The following GSDMB variants were observed in gnomAD, a reference collection of about 807,000 sequenced individuals.
The protein encoded by GSDMB is gasdermin-B.
GSDMB carries 32 observed loss-of-function variants against 42.9 expected under a neutral mutation model. The observed-to-expected ratio is 0.75, with a 90% CI of 0.56 to 1.00. The LOEUF is 1.00. Ranked by LOEUF, GSDMB falls within the 50% of genes least tolerant of loss-of-function variation. The pLI, the probability that GSDMB is intolerant of heterozygous loss-of-function variation, is 0.00. For missense variants in GSDMB, 468 were observed against 498.5 expected (o/e 0.94, Z 0.58); for synonymous variants, 175 against 193.7 (o/e 0.90, Z 0.80).
chr17:39,906,372 G>T, intron 7 of GSDMB, 101 bp from the exon 8 acceptor site: 2 of 1,135,142 alleles, frequency 1.8e-6, no homozygotes, highest in Non-Finnish European at 2.5e-6. Flanking sequence ...CCACCTCTTT[G>T]TATCTTCCCT....
intron 2 of GSDMB, among the ~76,000 whole-genome samples, 174 bp downstream of exon 2, chr17:39,916,906 ACT>A (rs2063721166): frequency 6.6e-6 from 1 of 151,746 alleles, no homozygotes; most frequent in Non-Finnish European, 1.5e-5. Context: ...CACTTCTCCC[ACT>A]CTCCTCCCAC....
chr17:39,912,887 C>G (rs2063637835), intron 2 of GSDMB, among the ~76,000 whole-genome samples: 1 of 152,134 alleles, frequency 6.6e-6, no homozygotes, highest in Admixed American at 6.6e-5. Flanking sequence ...AGGCAGATCA[C>G]TTGAGGTCAG....
In GSDMB at chr17:39,916,065, G is replaced by A. The variant is rs190496865; in HGVS notation, c.235+1017C>T. On this transcript the variant is annotated intron_variant, in intron 2 of 10. Transcript: ENST00000418519. ...ACCCAAGTACCCCAGGAATAACTGAGATCAGAGGCAGGGGGTTGGAATAAT... is the reference window on the plus strand; with the variant it reads ...ACCCAAGTACCCCAGGAATAACTGAAATCAGAGGCAGGGGGTTGGAATAAT... Among the ~76,000 whole-genome samples, 142 of 152,214 alleles carry A rather than the reference G, an allele frequency of 9.3e-4. 1 individual carries two copies. The highest frequency in any genetic ancestry group is 1.2e-3 in the Non-Finnish European group (79 of 68,020).
In GSDMB at chr17:39,908,994, C is replaced by T. The variant is rs1232821776; in HGVS notation, c.625G>A (p.Val209Ile). ...TTGTTGGGGAAGACAAGCTGCTTTA[C>T]TCGATAGCTCAGGACCCGATTTGGG... ...IPPNRVLSYR[V>I]KQLVFPNKET... The change falls in exon 5 of 11, where the codon GTA (valine) becomes ATA (isoleucine). Residue 209 changes from valine to isoleucine, a missense_variant. Coordinates refer to ENST00000418519, the MANE Select transcript of GSDMB (RefSeq NM_001165958.2). 6.2e-7 allele frequency: 1 copy of T among 1,607,588 alleles called. No homozygotes were observed. Among genetic ancestry groups the T allele is most frequent in the Non-Finnish European group, 8.5e-7 (1 of 1,177,120 alleles).
At chr17:39,906,756 G>C (rs960313411) in intron 7 of GSDMB, 1 of 1,344,380 alleles carries the variant, frequency 7.4e-7, no homozygotes, top group African/African-American at 1.5e-5. Flanking sequence ...AAAGTTTCCT[G>C]GTGTGATTTT....
At chr17:39,908,324 C>CA (rs3076830) in intron 5 of GSDMB, 110 bp from the exon 6 acceptor site, 226 of 245,496 alleles carry the variant, frequency 9.2e-4, no homozygotes, top group South Asian at 2.3e-3. Flanking sequence ...AGCCTCCAAT[C>CA]AAAAAAAAAA....
chr17:39,914,113 C>T (rs948942143), intron 2 of GSDMB, among the ~76,000 whole-genome samples: 7 of 152,062 alleles, frequency 4.6e-5, no homozygotes, highest in Non-Finnish European at 8.8e-5. Flanking sequence ...GGTAGAGAAA[C>T]CTGACAAACA....
intron 3 of GSDMB, 63 bp from the exon 4 acceptor site, chr17:39,909,987 T>C (rs2290400): frequency 0.48 from 611,763 of 1,265,582 alleles, 150,310 homozygotes; most frequent in Middle Eastern, 0.51. Flanking sequence ...ACTGACTCTT[T>C]TCCCTCTCTG....
chr17:39,914,079 A>G (rs1469932194), intron 2 of GSDMB, among the ~76,000 whole-genome samples: 1 of 152,252 alleles, frequency 6.6e-6, no homozygotes, highest in East Asian at 1.9e-4. Flanking sequence ...TACTATATGA[A>G]GAAGAGGAAA....
At chr17:39,907,075 T>G in intron 6 of GSDMB, 88 bp from the exon 7 acceptor site, 2 of 1,596,670 alleles carry the variant, frequency 1.3e-6, no homozygotes, top group Non-Finnish European at 1.7e-6. Context: ...AAGTTTTTAC[T>G]CTTGCAATCT....
intron 3 of GSDMB, among the ~76,000 whole-genome samples, chr17:39,910,970 T>TA (rs2063597151): frequency 1.3e-5 from 2 of 152,162 alleles, no homozygotes; most frequent in African/African-American, 4.8e-5. Flanking sequence ...AAAGGACCAG[T>TA]AAAATTTTAT....
At chr17:39,911,326 A>AAAAAAAT (rs1340686055) in intron 3 of GSDMB, among the ~76,000 whole-genome samples, 1 of 150,782 alleles carries the variant, frequency 6.6e-6, no homozygotes, top group Non-Finnish European at 1.5e-5. Flanking sequence ...TCCATCTCAA[A>AAAAAAAT]AAAAAAAAAA....
chr17:39,909,446 C>CA (rs1178029098), intron 4 of GSDMB: 1 of 393,688 alleles, frequency 2.5e-6, no homozygotes, highest in African/African-American at 2.0e-5. Flanking sequence ...CCTGTAATCC[C>CA]AGCACTTTGG....
At chr17:39,907,086 G>A in intron 6 of GSDMB, 99 bp from the exon 7 acceptor site, 15 of 1,582,296 alleles carry the variant, frequency 9.5e-6, no homozygotes, top group Non-Finnish European at 1.2e-5. Context: ...CTTGCAATCT[G>A]AGCCCTCACT....
At chr17:39,913,657 A>G (rs2063656935) in intron 2 of GSDMB, among the ~76,000 whole-genome samples, 1 of 152,254 alleles carries the variant, frequency 6.6e-6, no homozygotes, top group Non-Finnish European at 1.5e-5. Flanking sequence ...TATGAACCAC[A>G]CAAGTATGAA....
intron 3 of GSDMB, among the ~76,000 whole-genome samples, chr17:39,910,394 T>C (rs2063586449): frequency 6.6e-6 from 1 of 152,236 alleles, no homozygotes. Context: ...ATGTGCCAGC[T>C]GTGAGCCACG....
intron 4 of GSDMB, among the ~76,000 whole-genome samples, 190 bp from the exon 5 acceptor site, chr17:39,909,232 C>G (rs113657930): frequency 0.027 from 4,123 of 152,208 alleles, 76 homozygotes; most frequent in Non-Finnish European, 0.042. Context: ...AAATTTGAAC[C>G]CACGTCTGAT....
rs777372381 is a variant in GSDMB, at chr17:39,904,802, G to C, written c.*10C>G. ...ACCCAGAGGCTTGTGGGGAGAAAGG[G>C]CTTTTGTAGTTAGGAAGAGACAGAG... On this transcript the variant is annotated 3_prime_UTR_variant, in exon 11 of 11. Transcript: ENST00000418519. The C allele has an allele frequency of 6.2e-7, 1 of 1,613,106 alleles. No individual in the cohort carries two copies. Among genetic ancestry groups the C allele is most frequent in the Non-Finnish European group, 8.5e-7 (1 of 1,179,236 alleles).
intron 7 of GSDMB, 44 bp from the exon 8 acceptor site, chr17:39,906,315 G>A (rs962221174): frequency 6.3e-7 from 1 of 1,594,946 alleles, no homozygotes; most frequent in South Asian, 1.1e-5. Context: ...CAGCCCAAAA[G>A]GTTTTATTTC....
Sources: allele counts gnomAD v4.1 joint callset (sites outside exome capture counted in the v4.1 genomes callset), GRCh38; gene constraint gnomAD v4.1.1; transcripts MANE v1.5; gene names NCBI Gene and HGNC (gene_info 2026-07-23, HGNC 2026-07-21).